SPOCK1: variants seen among roughly 807,000 people sequenced by gnomAD.
SPOCK1 encodes SPARC (osteonectin), cwcv and kazal like domains proteoglycan 1, also known as testican-1.
Under a neutral mutation model 55.3 loss-of-function variants are expected in SPOCK1, and 23 were observed. That is an observed-to-expected ratio of 0.42 (90% CI 0.30 to 0.59). The LOEUF is 0.59. Among genes scored for constraint, SPOCK1 ranks in the 20% least tolerant of loss-of-function variants. The probability of loss-of-function intolerance (pLI) is 0.22; values close to 1 mark genes in which losing one functional copy is unlikely to be tolerated. For synonymous variants in SPOCK1, 226 were observed against 221.0 expected (o/e 1.02, Z -0.20); for missense variants, 499 against 552.5 (o/e 0.90, Z 0.97).
intron 2 of SPOCK1, among the ~76,000 whole-genome samples, chr5:137,275,067 G>A (rs1488069813): frequency 2.0e-5 from 3 of 152,214 alleles, no homozygotes; most frequent in African/African-American, 4.8e-5. Context: ...CAAAATTTCT[G>A]TGTAATCATT....
chr5:137,258,431 G>A (rs944013052), intron 3 of SPOCK1, among the ~76,000 whole-genome samples: 2 of 152,220 alleles, frequency 1.3e-5, no homozygotes, highest in Non-Finnish European at 2.9e-5. Flanking sequence ...TGTAGAGGAC[G>A]CAGGTGATGC....
At chr5:137,314,837 A>G (rs1026200523) in intron 2 of SPOCK1, among the ~76,000 whole-genome samples, 4 of 152,070 alleles carry the variant, frequency 2.6e-5, no homozygotes, top group Admixed American at 2.0e-4. Flanking sequence ...TGCTCCATAA[A>G]TTAGGCTCTC....
rs913652917 is a variant in SPOCK1, at chr5:137,165,907, A to G, written c.233-25213T>C. ...ATTAAAAACAATAAAGCTCACATAAAAGATCTAAAAAAAATAGCCTCGAAA... is the reference window on the plus strand; with the variant it reads ...ATTAAAAACAATAAAGCTCACATAAGAGATCTAAAAAAAATAGCCTCGAAA... On this transcript the variant is annotated intron_variant, in intron 3 of 10. Coordinates refer to ENST00000394945, the MANE Select transcript of SPOCK1 (RefSeq NM_004598.4). Among the ~76,000 whole-genome samples, 9 of 152,162 alleles carry G rather than the reference A, an allele frequency of 5.9e-5. 1 individual carries two copies. Among genetic ancestry groups the G allele is most frequent in the Non-Finnish European group, 1.0e-4 (7 of 68,026 alleles).
chr5:137,245,218 A>T (rs1434638), intron 3 of SPOCK1, among the ~76,000 whole-genome samples: 10,237 of 152,236 alleles, frequency 0.067, 1,051 homozygotes, highest in African/African-American at 0.23. Flanking sequence ...TTAATAGTAA[A>T]CACATCATAT....
At chr5:137,075,893 C>T (rs1226661990) in intron 5 of SPOCK1, among the ~76,000 whole-genome samples, 2 of 152,238 alleles carry the variant, frequency 1.3e-5, no homozygotes, top group Non-Finnish European at 2.9e-5. Context: ...CTGTTATCTC[C>T]TCTGCCTGGG....
intron 2 of SPOCK1, among the ~76,000 whole-genome samples, chr5:137,358,320 A>G (rs1186515386): frequency 6.6e-6 from 1 of 151,626 alleles, no homozygotes; most frequent in Non-Finnish European, 1.5e-5. Context: ...AAGAGGACAC[A>G]GCCTTGACCC....
At chr5:137,149,684 T>C (rs947476174) in intron 3 of SPOCK1, among the ~76,000 whole-genome samples, 1 of 152,258 alleles carries the variant, frequency 6.6e-6, no homozygotes, top group East Asian at 1.9e-4. Flanking sequence ...TTAACTCTTT[T>C]GGTGCTGATT....
intron 9 of SPOCK1, among the ~76,000 whole-genome samples, chr5:136,984,568 A>C (rs2436439): frequency 0.98 from 149,641 of 152,270 alleles, 73,769 homozygotes; most frequent in Non-Finnish European, 1. Context: ...CTTTGAGAGG[A>C]CTGCAAGTTG....
At chr5:137,426,380 C>T (rs1752612729) in intron 2 of SPOCK1, among the ~76,000 whole-genome samples, 1 of 152,226 alleles carries the variant, frequency 6.6e-6, no homozygotes, top group African/African-American at 2.4e-5. Context: ...TGTGAACGCA[C>T]ACCTTTTCAG....
In SPOCK1 at chr5:137,476,440, A is replaced by G. The variant is rs144890347; in HGVS notation, c.186+21933T>C. 2.6e-3 allele frequency among the ~76,000 whole-genome samples: 403 copies of G among 152,342 alleles called. 1 individual carries two copies. Among genetic ancestry groups the G allele is most frequent in the African/African-American group, 9.3e-3 (388 of 41,574 alleles). On this transcript the variant is annotated intron_variant, in intron 2 of 10. Transcript: ENST00000394945. ...AAAGAAAAAGTCAGCATTGTGTTTT[A>G]GAAGAGAAAAGTGAATATCTAGAAG...
At chr5:137,060,385 G>A (rs1417653340) in intron 6 of SPOCK1, among the ~76,000 whole-genome samples, 2 of 152,090 alleles carry the variant, frequency 1.3e-5, no homozygotes, top group Non-Finnish European at 2.9e-5. Context: ...ACTTATAAAT[G>A]GGAGCTAAAC....
chr5:137,395,282 CA>C (rs1751818786), intron 2 of SPOCK1, among the ~76,000 whole-genome samples: 2 of 152,220 alleles, frequency 1.3e-5, no homozygotes, highest in Non-Finnish European at 2.9e-5. Flanking sequence ...GGAATTCATA[CA>C]AATGTCAGGT....
chr5:137,078,259 G>C (rs1180640303), intron 5 of SPOCK1, among the ~76,000 whole-genome samples: 4 of 152,174 alleles, frequency 2.6e-5, no homozygotes, highest in Non-Finnish European at 5.9e-5. Context: ...TGAGGTGCTG[G>C]CACCTGCTTA....
chr5:137,269,171 A>G (rs1756913491), intron 2 of SPOCK1, among the ~76,000 whole-genome samples: 1 of 152,248 alleles, frequency 6.6e-6, no homozygotes, highest in African/African-American at 2.4e-5. Context: ...TTTAAAGCTC[A>G]TTGCAAATGT....
At chr5:137,396,768 G>C (rs987623795) in intron 2 of SPOCK1, among the ~76,000 whole-genome samples, 1 of 152,196 alleles carries the variant, frequency 6.6e-6, no homozygotes, top group African/African-American at 2.4e-5. Flanking sequence ...GATACATTAA[G>C]TAGTTGTCCA....
chr5:137,029,778 T>A (rs1751742243), intron 6 of SPOCK1, among the ~76,000 whole-genome samples: 1 of 152,230 alleles, frequency 6.6e-6, no homozygotes, highest in African/African-American at 2.4e-5. Context: ...AAGGATAGTT[T>A]AAGGCCAAGA....
chr5:137,443,329 T>C (rs1753056909), intron 2 of SPOCK1, among the ~76,000 whole-genome samples: 1 of 152,176 alleles, frequency 6.6e-6, no homozygotes, highest in African/African-American at 2.4e-5. Context: ...CCTCCCTCTT[T>C]CTTTGGTCCT....
intron 6 of SPOCK1, among the ~76,000 whole-genome samples, chr5:137,006,537 A>G (rs1240308172): frequency 2.0e-5 from 3 of 152,150 alleles, no homozygotes; most frequent in Non-Finnish European, 2.9e-5. Flanking sequence ...TGATTTTTGC[A>G]CATTGATTTT....
At chr5:137,411,951 G>C (rs1752216229) in intron 2 of SPOCK1, among the ~76,000 whole-genome samples, 1 of 152,144 alleles carries the variant, frequency 6.6e-6, no homozygotes, top group Non-Finnish European at 1.5e-5. Context: ...TAAAGAAAAG[G>C]TCCGCGTGGC....
Sources: allele counts gnomAD v4.1 joint callset (sites outside exome capture counted in the v4.1 genomes callset), GRCh38; gene constraint gnomAD v4.1.1; transcripts MANE v1.5; gene names NCBI Gene and HGNC (gene_info 2026-07-23, HGNC 2026-07-21).